Variants in WWOX observed in about 807,000 individuals in gnomAD.
WWOX encodes WW domain-containing oxidoreductase.
WWOX carries 69 observed loss-of-function variants against 46.2 expected under a neutral mutation model. That is an observed-to-expected ratio of 1.49 (90% CI 1.23 to 1.82). The LOEUF is 1.82. Among genes scored for constraint, WWOX ranks in the 40% most tolerant of loss-of-function variants. The pLI, the probability that WWOX is intolerant of heterozygous loss-of-function variation, is 0.00. For synonymous variants in WWOX, 359 were observed against 202.6 expected (o/e 1.77, Z -6.56); for missense variants, 919 against 542.6 (o/e 1.69, Z -6.89).
At chr16:78,614,975 G>A (rs555240586) in intron 8 of WWOX, among the ~76,000 whole-genome samples, 5 of 152,122 alleles carry the variant, frequency 3.3e-5, no homozygotes, top group East Asian at 3.9e-4. Context: ...GTTTAATCAC[G>A]TTTTGCTCTG....
At chr16:78,804,510 C>T (rs544944536) in intron 8 of WWOX, among the ~76,000 whole-genome samples, 11 of 152,246 alleles carry the variant, frequency 7.2e-5, no homozygotes, top group African/African-American at 2.4e-4. Context: ...ACATGCGAAG[C>T]GCATATGTTC....
chr16:78,481,539 A>C (rs2667563), intron 8 of WWOX, among the ~76,000 whole-genome samples: 1,826 of 152,052 alleles, frequency 0.012, 32 homozygotes, highest in African/African-American at 0.041. Flanking sequence ...GTCATCCCTC[A>C]CCTCCCACCA....
intron 5 of WWOX, among the ~76,000 whole-genome samples, chr16:78,374,945 C>T (rs776860136): frequency 1.3e-5 from 2 of 152,120 alleles, no homozygotes; most frequent in Non-Finnish European, 2.9e-5. Flanking sequence ...CTCGGCCTCC[C>T]AAAGTGCTGG....
At chr16:78,204,565 C>A (rs563271424) in intron 5 of WWOX, among the ~76,000 whole-genome samples, 2 of 152,264 alleles carry the variant, frequency 1.3e-5, no homozygotes, top group South Asian at 4.1e-4. Flanking sequence ...CCCCCCACTA[C>A]CCTTCCCAGC....
chr16:78,525,060 C>G (rs2043431306), intron 8 of WWOX: 1 of 151,052 alleles, frequency 6.6e-6, no homozygotes, highest in Non-Finnish European at 1.5e-5. Flanking sequence ...GACATAGGGC[C>G]TCACTATGTT....
intron 5 of WWOX, chr16:78,355,750 T>A: frequency 1.4e-6 from 1 of 709,926 alleles, no homozygotes; most frequent in East Asian, 3.5e-5. Flanking sequence ...AAGAGACATA[T>A]GAATCAACAA....
chr16:79,180,002 T>C (rs2050878168), intron 8 of WWOX, among the ~76,000 whole-genome samples: 1 of 152,230 alleles, frequency 6.6e-6, no homozygotes, highest in South Asian at 2.1e-4. Flanking sequence ...AGGTTTTTTT[T>C]TTCCCCTTAT....
At chr16:79,176,049 G>C (rs1246849857) in intron 8 of WWOX, among the ~76,000 whole-genome samples, 1 of 152,152 alleles carries the variant, frequency 6.6e-6, no homozygotes, top group Non-Finnish European at 1.5e-5. Flanking sequence ...CATTCCCTAA[G>C]CTGCACATTA....
At chr16:78,702,747 T>A (rs1228909431) in intron 8 of WWOX, among the ~76,000 whole-genome samples, 1 of 151,898 alleles carries the variant, frequency 6.6e-6, no homozygotes, top group Non-Finnish European at 1.5e-5. Flanking sequence ...AATGGAAAGA[T>A]CGCAGAGGAA....
intron 8 of WWOX, among the ~76,000 whole-genome samples, chr16:78,608,525 G>C (rs1162230924): frequency 1.3e-5 from 2 of 152,152 alleles, no homozygotes; most frequent in Non-Finnish European, 2.9e-5. Context: ...CCTGCTGTTG[G>C]GAGGTTCAAG....
At chr16:78,189,619 C>T (rs906440696) in intron 5 of WWOX, among the ~76,000 whole-genome samples, 1 of 152,058 alleles carries the variant, frequency 6.6e-6, no homozygotes, top group Non-Finnish European at 1.5e-5. Flanking sequence ...AATAATGGCA[C>T]CTAAACAAAT....
intron 8 of WWOX, among the ~76,000 whole-genome samples, chr16:78,578,252 TTTTATATATATATA>T (rs2044940964): frequency 5.2e-5 from 2 of 38,102 alleles, no homozygotes; most frequent in African/African-American, 1.9e-4. Context: ...GCATACCAAA[TTTTATATATATATA>T]TATATATATA....
intron 5 of WWOX, among the ~76,000 whole-genome samples, chr16:78,374,772 G>T (rs937771736): frequency 2.6e-5 from 4 of 152,032 alleles, no homozygotes; most frequent in African/African-American, 7.2e-5. Context: ...GGATGGTCTT[G>T]ATCTCCTGAC....
At chr16:78,861,974 T>C (rs1307506251) in intron 8 of WWOX, among the ~76,000 whole-genome samples, 1 of 152,184 alleles carries the variant, frequency 6.6e-6, no homozygotes, top group Non-Finnish European at 1.5e-5. Context: ...TAGGAGTCTC[T>C]GGAGAAATTG....
chr16:79,104,492 C>T (rs1012742864), intron 8 of WWOX, among the ~76,000 whole-genome samples: 26 of 152,164 alleles, frequency 1.7e-4, no homozygotes, highest in African/African-American at 6.3e-4. Flanking sequence ...TAATGCCAAA[C>T]ATATACAAAG....
At chr16:78,316,496 C>G (rs2151879846) in intron 5 of WWOX, among the ~76,000 whole-genome samples, 1 of 152,186 alleles carries the variant, frequency 6.6e-6, no homozygotes, top group South Asian at 2.1e-4. Flanking sequence ...GTGCCTGCCA[C>G]TATGCCTGGG....
intron 8 of WWOX, among the ~76,000 whole-genome samples, chr16:78,676,588 A>G (rs1183889777): frequency 2.0e-5 from 3 of 151,940 alleles, no homozygotes; most frequent in Non-Finnish European, 4.4e-5. Flanking sequence ...AATATCGGGC[A>G]CTCTGCTCAG....
At chr16:79,103,146 C>G (rs2049236638) in intron 8 of WWOX, among the ~76,000 whole-genome samples, 1 of 152,176 alleles carries the variant, frequency 6.6e-6, no homozygotes, top group Non-Finnish European at 1.5e-5. Flanking sequence ...TGCTGAGTCT[C>G]TCAGCCCGTT....
At chr16:78,716,931 C>T (rs752709609) in intron 8 of WWOX, among the ~76,000 whole-genome samples, 14 of 152,268 alleles carry the variant, frequency 9.2e-5, no homozygotes, top group Non-Finnish European at 1.6e-4. Context: ...AAGGGCATAT[C>T]CTGCCCCCTT....
Sources: allele counts gnomAD v4.1 joint callset (sites outside exome capture counted in the v4.1 genomes callset), GRCh38; gene constraint gnomAD v4.1.1; transcripts MANE v1.5; gene names NCBI Gene and HGNC (gene_info 2026-07-23, HGNC 2026-07-21).